Variants in IKBKG observed in about 807,000 individuals in gnomAD.
The protein encoded by IKBKG is NF-kappa-B essential modulator.
In IKBKG, 2 loss-of-function variants were observed where a neutral mutation model predicts 13.7. That is an observed-to-expected ratio of 0.15 (90% CI 0.06 to 0.46). IKBKG has a LOEUF of 0.46. Ranked by LOEUF, IKBKG falls within the 20% of genes least tolerant of loss-of-function variation. The probability of loss-of-function intolerance (pLI) is 0.98; values close to 1 mark genes in which losing one functional copy is unlikely to be tolerated. For synonymous variants in IKBKG, 22 were observed against 64.4 expected, an observed-to-expected ratio of 0.34 and a Z score of 3.15; for missense variants, 53 against 150.3, an observed-to-expected ratio of 0.35 and a Z score of 3.39.
chrX:154,542,513 C>A, upstream of IKBKG: 4 of 1,120,547 alleles, frequency 3.6e-6, no homozygotes, highest in Non-Finnish European at 4.7e-6. Context: ...GGAAGTGGCC[C>A]ACTTGGTAAC....
chrX:154,560,395 TC>T lies in IKBKG; in HGVS notation c.519-8del, dbSNP rs2071121056. ...GTTCGTCCTCCCTGAGTCTGCTCTTTCCCCGTGCCAGGGCCCGGGCGGCCAG... is the reference window on the plus strand; with the variant it reads ...GTTCGTCCTCCCTGAGTCTGCTCTTTCCCGTGCCAGGGCCCGGGCGGCCAG... On this transcript the variant is annotated splice_polypyrimidine_tract_variant and intron_variant, in intron 4 of 9. Transcript: ENST00000594239. 8.9e-7 allele frequency: 1 copy of T among 1,129,790 alleles called. No individual in the cohort carries two copies. The highest frequency in any genetic ancestry group is 2.6e-5 in the Admixed American group (1 of 38,020). 93.1% of individuals were successfully genotyped at this position (1,129,790 alleles called of 1,213,427 possible).
chrX:154,547,970 C>G (rs1243399227), intron 1 of IKBKG: 33 of 753,650 alleles, frequency 4.4e-5, no homozygotes, highest in Non-Finnish European at 5.2e-5. Context: ...GGGGTCTGAC[C>G]CTACTCCTTG....
intron 1 of IKBKG, chrX:154,542,220 C>T (rs1334508057): frequency 1.1e-6 from 1 of 913,140 alleles, no homozygotes; most frequent in Non-Finnish European, 1.5e-6. Context: ...TCATCCCTCC[C>T]ACAGGCCCAT....
chrX:154,551,101 C>T (rs191405775), intron 1 of IKBKG, among the ~76,000 whole-genome samples: 3 of 101,799 alleles, frequency 2.9e-5, no homozygotes, highest in South Asian at 4.3e-4. Flanking sequence ...CGTGAGCCAC[C>T]GTGACCGGCA....
At chrX:154,547,827 C>T in intron 1 of IKBKG, 82 bp downstream of exon 1, 2 of 755,025 alleles carry the variant, frequency 2.6e-6, no homozygotes, top group Non-Finnish European at 3.1e-6. Context: ...GTTCAGGCTC[C>T]CCCCTCTTTT....
intron 2 of IKBKG, among the ~76,000 whole-genome samples, chrX:154,553,564 C>A (rs1208978905): frequency 8.9e-6 from 1 of 112,476 alleles, no homozygotes; most frequent in Admixed American, 9.4e-5. Context: ...TGGAGAGGCC[C>A]TGCTGGAGCA....
At chrX:154,547,564 G>A, upstream of IKBKG, 1 of 754,951 alleles carries the variant, frequency 1.3e-6, no homozygotes, top group Non-Finnish European at 1.6e-6. Flanking sequence ...CCGGCTTCCC[G>A]AGTTCTCGGG....
rs1475156619 is a variant in IKBKG, at chrX:154,547,697, A to G, written c.-64A>G. 3 of 753,947 alleles carry G rather than the reference A, an allele frequency of 4.0e-6. No homozygotes were observed. Among genetic ancestry groups the G allele is most frequent in the South Asian group, 6.8e-5 (1 of 14,782 alleles). The allele number at this position is 753,947 out of a possible 1,213,427, so 62.1% of individuals were successfully genotyped here. On this transcript the variant is annotated 5_prime_UTR_variant, in exon 1 of 10. Transcript: ENST00000594239. Reference sequence around the variant, plus strand: ...GAGCGCCGGGGCCCTACCAGCGTTCACAGTCCGCCGCTCCCACCCTTCTCA... The same window carrying G: ...GAGCGCCGGGGCCCTACCAGCGTTCGCAGTCCGCCGCTCCCACCCTTCTCA...
Position 154,547,757 on chromosome X carries a change from T to C in IKBKG, c.-16+12T>C. 1.7e-5 allele frequency: 13 copies of C among 754,907 alleles called. No individual in the cohort carries two copies. The highest frequency in any genetic ancestry group is 1.9e-5 in the Non-Finnish European group (12 of 639,437). 62.2% of individuals were successfully genotyped at this position (754,907 alleles called of 1,213,427 possible). A position where few individuals can be genotyped will look rare whatever the true frequency, so the allele number is the denominator to read the frequency against. ...GACTCTGCTGACAGGTGTGGTCCTTTTCCCCAAAGACAGGGTTCCATCCGT... is the reference window on the plus strand; with the variant it reads ...GACTCTGCTGACAGGTGTGGTCCTTCTCCCCAAAGACAGGGTTCCATCCGT... On this transcript the variant is annotated intron_variant, in intron 1 of 9. Coordinates refer to ENST00000594239, the MANE Select transcript of IKBKG (RefSeq NM_001099857.5).
intron 2 of IKBKG, among the ~76,000 whole-genome samples, chrX:154,555,588 T>C (rs1215481986): frequency 6.2e-5 from 7 of 112,395 alleles, no homozygotes; most frequent in Middle Eastern, 4.6e-3. Flanking sequence ...ATACTTTTTT[T>C]CTTTTTTTTG....
At chrX:154,546,737 A>G, upstream of IKBKG, 1 of 989,807 alleles carries the variant, frequency 1.0e-6, no homozygotes, top group Non-Finnish European at 1.4e-6. Flanking sequence ...CGCGCGGCGC[A>G]GCGCGGGACA....
chrX:154,553,250 C>T (rs2070982352), intron 2 of IKBKG, among the ~76,000 whole-genome samples: 1 of 112,565 alleles, frequency 8.9e-6, no homozygotes. Flanking sequence ...TGGCTGGCAG[C>T]TCCTGGGCGA....
upstream of IKBKG, among the ~76,000 whole-genome samples, chrX:154,546,505 G>T (rs1003376621): frequency 2.7e-5 from 3 of 111,828 alleles, no homozygotes; most frequent in Non-Finnish European, 3.8e-5. Flanking sequence ...CCCGACTGTA[G>T]CGGGAACTCC....
chrX:154,552,084 G>A lies in IKBKG; in HGVS notation c.82G>A (p.Gly28Ser), dbSNP rs1557235195. Residue 28 changes from glycine (G) to serine (S), a missense_variant, in exon 2 of 10, where the codon GGC becomes AGC. Physicochemically the swap from Gly to Ser is moderately conservative, Grantham distance 56. Coordinates refer to ENST00000594239, the MANE Select transcript of IKBKG (RefSeq NM_001099857.5). ...CCCGGCAGCAGATCAGGACGTACTG[G>A]GCGAAGAGTCTCCTCTGGGGAAGCC... is the stretch of plus-strand genomic sequence containing the variant. ...GGPAADQDVL[G>S]EESPLGKPAM... 2.5e-6 allele frequency: 3 copies of A among 1,192,624 alleles called. No homozygotes were observed. Among genetic ancestry groups the A allele is most frequent in the South Asian group, 3.6e-5 (2 of 55,105 alleles).
chrX:154,551,956 C>T, intron 1 of IKBKG, 32 bp from the exon 2 acceptor site: 5 of 1,029,095 alleles, frequency 4.9e-6, no homozygotes, highest in Non-Finnish European at 6.3e-6. Flanking sequence ...ATGTGGGTCT[C>T]CTGTGACTCC....
In IKBKG at chrX:154,553,048, G is replaced by T. The variant is rs2070977792; in HGVS notation, c.187+859G>T. Among the ~76,000 whole-genome samples the T allele has an allele frequency of 2.7e-5, 3 of 112,766 alleles. 1 individual carries two copies. The highest frequency in any genetic ancestry group is 7.2e-4 in the South Asian group (2 of 2,763). On this transcript the variant is annotated intron_variant, in intron 2 of 9. Transcript: ENST00000594239. ...CTTCTAAGCCTCGGGTCCCAGAGCTGCAGGGAGGGGCGGCATAGACTCCCC... is the reference window on the plus strand; with the variant it reads ...CTTCTAAGCCTCGGGTCCCAGAGCTTCAGGGAGGGGCGGCATAGACTCCCC...
intron 1 of IKBKG, chrX:154,542,106 T>TG (rs1245079558): frequency 2.4e-6 from 1 of 413,772 alleles, no homozygotes; most frequent in African/African-American, 2.6e-5. Flanking sequence ...ACCGGGGCTT[T>TG]GGGGGAGTGC....
upstream of IKBKG, among the ~76,000 whole-genome samples, chrX:154,544,108 G>A (rs1355695182): frequency 1.8e-5 from 2 of 109,130 alleles, no homozygotes; most frequent in Non-Finnish European, 3.8e-5. Context: ...TGATCCACCC[G>A]CTTCAGCCTC....
chrX:154,554,713 G>A (rs969448008), intron 2 of IKBKG, among the ~76,000 whole-genome samples: 2 of 111,083 alleles, frequency 1.8e-5, no homozygotes, highest in African/African-American at 3.3e-5. Context: ...CTGAGATCGC[G>A]CCACTGCACT....
Sources: allele counts gnomAD v4.1 joint callset (sites outside exome capture counted in the v4.1 genomes callset), GRCh38; gene constraint gnomAD v4.1.1; transcripts MANE v1.5; gene names NCBI Gene and HGNC (gene_info 2026-07-23, HGNC 2026-07-21).